The following NAA60 variants were observed in gnomAD, a reference collection of about 807,000 sequenced individuals.
The protein encoded by NAA60 is N-alpha-acetyltransferase 60.
A neutral mutation model predicts 26.1 loss-of-function variants in NAA60; 8 were observed. That is an observed-to-expected ratio of 0.31 (90% confidence interval 0.18 to 0.55). The LOEUF (loss-of-function observed/expected upper bound fraction) is 0.55, where lower values mean the gene tolerates loss of function less well. Among genes scored for constraint, NAA60 ranks in the 20% least tolerant of loss-of-function variants. The probability of loss-of-function intolerance (pLI) is 0.93; values close to 1 mark genes in which losing one functional copy is unlikely to be tolerated. For missense variants in NAA60, 290 were observed against 311.3 expected, an observed-to-expected ratio of 0.93 and a Z score of 0.51; for synonymous variants, 131 against 122.5, an observed-to-expected ratio of 1.07 and a Z score of -0.46.
intron 2 of NAA60, 198 bp downstream of exon 2, chr16:3,448,738 G>C: frequency 5.7e-6 from 3 of 527,498 alleles, no homozygotes; most frequent in Non-Finnish European, 1.0e-5. Context: ...TCTTACGTTA[G>C]GTACACAGGG....
In NAA60 at chr16:3,482,683, C is replaced by T. The variant is rs1041287360; in HGVS notation, c.337+85C>T. 17 of 908,314 alleles carry T rather than the reference C, an allele frequency of 1.9e-5. No homozygotes were observed. In the African/African-American group the frequency reaches 2.6e-4, roughly 14 times the overall value. 56.3% of individuals were successfully genotyped at this position (908,314 alleles called of 1,614,324 possible). ...CCATCCCATCTGCACCCAGTCTCTT[C>T]CCTGGCCCCAACAACTCTGGCTCGT... On this transcript the variant is annotated intron_variant, in intron 5 of 7. Transcript: ENST00000407558.
chr16:3,467,364 A>G (rs1178813480), intron 2 of NAA60, among the ~76,000 whole-genome samples: 1 of 152,096 alleles, frequency 6.6e-6, no homozygotes, highest in African/African-American at 2.4e-5. Context: ...CAGTGTGGCC[A>G]TGGCCAGCTG....
At chr16:3,472,441 G>C (rs2036212038) in intron 2 of NAA60, 1 of 152,206 alleles carries the variant, frequency 6.6e-6, no homozygotes, top group Non-Finnish European at 1.5e-5. Flanking sequence ...TTTTGAGACA[G>C]AATCTCACTC....
intron 2 of NAA60, among the ~76,000 whole-genome samples, chr16:3,461,049 T>TGAGA (rs147293372): frequency 1.5e-5 from 1 of 68,186 alleles, no homozygotes; most frequent in Admixed American, 1.5e-4. Context: ...GTTACAGGAG[T>TGAGA]GAGTTTGCCA....
At chr16:3,466,502 C>G (rs2035771956) in intron 2 of NAA60, among the ~76,000 whole-genome samples, 1 of 152,244 alleles carries the variant, frequency 6.6e-6, no homozygotes, top group South Asian at 2.1e-4. Context: ...GCCCATTTCA[C>G]TGATGAGCAA....
intron 1 of NAA60, 138 bp downstream of exon 1, chr16:3,443,975 C>G: frequency 7.3e-7 from 1 of 1,369,200 alleles, no homozygotes; most frequent in Non-Finnish European, 9.4e-7. Flanking sequence ...GGCCGTGGAA[C>G]ATGAAGGAGT....
In NAA60 at chr16:3,449,827, A is replaced by G. The variant is rs531119917; in HGVS notation, c.-7+1287A>G. 2.6e-5 allele frequency among the ~76,000 whole-genome samples: 4 copies of G among 152,256 alleles called. No individual in the cohort carries two copies. In the East Asian group the frequency reaches 7.7e-4, roughly 29 times the overall value. On this transcript the variant is annotated intron_variant, in intron 2 of 7. Transcript: ENST00000407558. ...TAGTGAATAAGTCTCACGAGATCTA[A>G]TGGTTTTTAAAAAGGGGAGTTTCCC...
intron 1 of NAA60, chr16:3,447,518 A>C: frequency 1.0e-6 from 1 of 985,440 alleles, no homozygotes; most frequent in Non-Finnish European, 1.2e-6. Context: ...CTTAAACATA[A>C]GTATGGCTCT....
At chr16:3,470,616 G>C (rs1389711381) in intron 2 of NAA60, among the ~76,000 whole-genome samples, 1 of 152,186 alleles carries the variant, frequency 6.6e-6, no homozygotes, top group Non-Finnish European at 1.5e-5. Context: ...TGGGGAGACG[G>C]GATGTAGAAA....
chr16:3,447,901 A>C (rs1180263921), intron 1 of NAA60, among the ~76,000 whole-genome samples: 2 of 152,164 alleles, frequency 1.3e-5, no homozygotes, highest in Non-Finnish European at 2.9e-5. Context: ...CGTACCTTCA[A>C]CATGTTAATT....
intron 1 of NAA60, 123 bp downstream of exon 1, chr16:3,443,960 G>T (rs2034445955): frequency 3.6e-6 from 5 of 1,388,984 alleles, no homozygotes; most frequent in Non-Finnish European, 3.7e-6. Context: ...TTGAGCGGAT[G>T]GTGGGGCCGT....
intron 6 of NAA60, 132 bp from the exon 7 acceptor site, chr16:3,484,567 G>A: frequency 8.3e-7 from 1 of 1,201,620 alleles, no homozygotes; most frequent in Admixed American, 2.2e-5. Flanking sequence ...CAGAGGCTTA[G>A]CGGGCTCTCA....
intron 2 of NAA60, among the ~76,000 whole-genome samples, chr16:3,466,056 T>G (rs1014456533): frequency 6.6e-6 from 1 of 152,194 alleles, no homozygotes; most frequent in Non-Finnish European, 1.5e-5. Context: ...AGTGCACAGC[T>G]TCACCCAGCA....
Position 3,460,370 on chromosome 16 carries a change from T to C in NAA60, c.-7+11830T>C, listed in dbSNP as rs112909869. Among the ~76,000 whole-genome samples the C allele has an allele frequency of 2.7e-3, 402 of 150,102 alleles. 1 individual carries two copies. Among genetic ancestry groups the C allele is most frequent in the African/African-American group, 8.8e-3 (350 of 39,608 alleles). ...TTTGTTTTTGTTTTTTTGTTGTCGT[T>C]GTTGTTTTTTGGAGATAGGTTCTCA... On this transcript the variant is annotated intron_variant, in intron 2 of 7. Coordinates refer to ENST00000407558, the MANE Select transcript of NAA60 (RefSeq NM_001083601.3).
chr16:3,443,742 C>A lies in NAA60; in HGVS notation c.-172C>A. 1.3e-6 allele frequency: 2 copies of A among 1,528,578 alleles called. No individual in the cohort carries two copies. The highest frequency in any genetic ancestry group is 1.4e-5 in the African/African-American group (1 of 72,880). 94.7% of individuals were successfully genotyped at this position (1,528,578 alleles called of 1,614,324 possible). On this transcript the variant is annotated 5_prime_UTR_variant, in exon 1 of 8. Transcript: ENST00000407558. ...GCCTGTTTGCCTGCTGAAGTAGAGT[C>A]TTAGGGTGACCCCAGGGGGACGTAA...
rs775042684 is a variant in NAA60, at chr16:3,486,835, G to C, written c.*1575G>C. 1 of 152,508 alleles carries C rather than the reference G, an allele frequency of 6.6e-6. No individual in the cohort carries two copies. The highest frequency in any genetic ancestry group is 1.5e-5 in the Non-Finnish European group (1 of 68,116). 9.4% of individuals were successfully genotyped at this position (152,508 alleles called of 1,614,324 possible). A position where few individuals can be genotyped will look rare whatever the true frequency, so the allele number is the denominator to read the frequency against. On this transcript the variant is annotated 3_prime_UTR_variant, in exon 8 of 8. Coordinates refer to ENST00000407558, the MANE Select transcript of NAA60 (RefSeq NM_001083601.3). ...GGCTCTGCCATGGACATTTGTCCTC[G>C]GGCTCAGAGGCCCCACCCTGCCCCA...
At chr16:3,461,878 A>C (rs1284656158) in intron 2 of NAA60, among the ~76,000 whole-genome samples, 1 of 152,124 alleles carries the variant, frequency 6.6e-6, no homozygotes, top group African/African-American at 2.4e-5. Context: ...GCTTGAGCTC[A>C]CAAGTTCGAG....
At chr16:3,464,346 G>A (rs1016965227) in intron 2 of NAA60, among the ~76,000 whole-genome samples, 1 of 152,120 alleles carries the variant, frequency 6.6e-6, no homozygotes, top group South Asian at 2.1e-4. Context: ...GATTCCAGAG[G>A]ATCTTAAGTG....
chr16:3,481,094 A>G (rs998488989), intron 4 of NAA60, among the ~76,000 whole-genome samples: 7 of 152,004 alleles, frequency 4.6e-5, no homozygotes, highest in African/African-American at 1.7e-4. Flanking sequence ...AAGATGTAGC[A>G]GAAAGCAAGT....
Sources: gnomAD v4.1 joint callset for allele counts (sites outside exome capture counted in the v4.1 genomes callset) on GRCh38, gnomAD v4.1.1 for gene constraint, MANE v1.5 for transcripts, NCBI Gene and HGNC (gene_info 2026-07-23, HGNC 2026-07-21) for gene names.